Variants in PLAC8 observed in about 807,000 individuals in gnomAD.
PLAC8 encodes the protein placenta-specific gene 8 protein.
A neutral mutation model predicts 12.6 loss-of-function variants in PLAC8; 6 were observed. That is an observed-to-expected ratio of 0.48 (90% CI 0.26 to 0.94). PLAC8 has a LOEUF of 0.94. PLAC8 is among the 40% of genes least tolerant of loss of function. PLAC8 has a pLI of 0.14. For synonymous variants in PLAC8, 54 were observed against 52.6 expected (o/e 1.03, Z -0.11); for missense variants, 122 against 152.7 (o/e 0.80, Z 1.06).
intron 3 of PLAC8, among the ~76,000 whole-genome samples, chr4:83,101,058 C>T (rs1040605159): frequency 2.0e-5 from 3 of 152,152 alleles, no homozygotes; most frequent in African/African-American, 4.8e-5. Context: ...CAGTGCTCTT[C>T]GGGTTCTATG....
chr4:83,105,401 C>T (rs1180967190), intron 2 of PLAC8, among the ~76,000 whole-genome samples: 1 of 152,186 alleles, frequency 6.6e-6, no homozygotes, highest in Non-Finnish European at 1.5e-5. Context: ...GAAATACCAA[C>T]AGGTCACCCA....
chr4:83,107,753 T>C (rs746322793), intron 2 of PLAC8, 51 bp downstream of exon 2: 1 of 1,089,678 alleles, frequency 9.2e-7, no homozygotes, highest in Non-Finnish European at 1.3e-6. Flanking sequence ...ATTGAGTCAT[T>C]GGTAATTCAC....
chr4:83,104,727 G>A (rs1004040434), intron 3 of PLAC8, among the ~76,000 whole-genome samples, 169 bp downstream of exon 3: 7 of 152,174 alleles, frequency 4.6e-5, no homozygotes, highest in Admixed American at 1.3e-4. Flanking sequence ...CTAGAAGGAG[G>A]CCACATAACC....
In PLAC8 at chr4:83,097,587, C is replaced by T. The variant is rs147758400; in HGVS notation, c.244-2796G>A. ...CTGGGGACATATGGAGAGCCATGCC[C>T]GCTAGCTATGCTAAAAAGAGTCTGA... On this transcript the variant is annotated intron_variant, in intron 3 of 4. Coordinates refer to ENST00000311507, the MANE Select transcript of PLAC8 (RefSeq NM_016619.3). Among the ~76,000 whole-genome samples the T allele has an allele frequency of 3.2e-3, 488 of 152,192 alleles. 2 individuals carry two copies. Among genetic ancestry groups the T allele is most frequent in the African/African-American group, 0.011 (457 of 41,530 alleles).
intron 1 of PLAC8, among the ~76,000 whole-genome samples, chr4:83,110,206 A>G (rs1260689447): frequency 6.6e-6 from 1 of 152,186 alleles, no homozygotes; most frequent in Non-Finnish European, 1.5e-5. Flanking sequence ...GGGCTGAGCA[A>G]CGCTGGGATT....
At chr4:83,103,327 G>A (rs1440996640) in intron 3 of PLAC8, among the ~76,000 whole-genome samples, 3 of 151,176 alleles carry the variant, frequency 2.0e-5, no homozygotes, top group Non-Finnish European at 4.4e-5. Context: ...CCTGGGAGGC[G>A]GAGGTTGCAG....
At chr4:83,103,889 A>G (rs557578502) in intron 3 of PLAC8, among the ~76,000 whole-genome samples, 22 of 152,182 alleles carry the variant, frequency 1.4e-4, no homozygotes, top group African/African-American at 5.3e-4. Context: ...GCTGGTCTTT[A>G]ACTCCTGACC....
intron 3 of PLAC8, among the ~76,000 whole-genome samples, chr4:83,097,673 T>G (rs1731975214): frequency 6.6e-6 from 1 of 152,174 alleles, no homozygotes; most frequent in Non-Finnish European, 1.5e-5. Context: ...TTAAAATATC[T>G]TACTTATCAG....
intron 3 of PLAC8, among the ~76,000 whole-genome samples, chr4:83,096,794 T>A (rs923650683): frequency 2.0e-5 from 3 of 152,240 alleles, no homozygotes; most frequent in Admixed American, 2.0e-4. Flanking sequence ...AATTTCTATG[T>A]CTTGTTTTGT....
chr4:83,112,186 ATTTATATATATATAT>A (rs1363165823), intron 1 of PLAC8, among the ~76,000 whole-genome samples: 4 of 106,636 alleles, frequency 3.8e-5, no homozygotes, highest in African/African-American at 1.5e-4. Flanking sequence ...AAAAAAAAAA[ATTTATATATATATAT>A]ATGTATATAT....
chr4:83,094,882 ATCTTT>A, intron 3 of PLAC8, 91 bp from the exon 4 acceptor site: 1 of 627,674 alleles, frequency 1.6e-6, no homozygotes, highest in Non-Finnish European at 2.7e-6. Flanking sequence ...GAAGGCACTG[ATCTTT>A]CAGATTCAGA....
At chr4:83,109,446 G>A (rs777601076) in intron 1 of PLAC8, among the ~76,000 whole-genome samples, 1 of 152,322 alleles carries the variant, frequency 6.6e-6, no homozygotes, top group Admixed American at 6.5e-5. Context: ...GCAAAAGAAG[G>A]TTCCAGTAAG....
At chr4:83,110,457 G>C (rs959964745) in intron 1 of PLAC8, among the ~76,000 whole-genome samples, 2 of 152,190 alleles carry the variant, frequency 1.3e-5, no homozygotes, top group Non-Finnish European at 2.9e-5. Flanking sequence ...GGAAAAGTAA[G>C]TCCCAAATCC....
In PLAC8 at chr4:83,106,263, T is replaced by G. The variant is rs550740376; in HGVS notation, c.119-1243A>C. The stretch of plus-strand genomic sequence containing the variant: ...ATCTGCCCGCCTTGGCCTCCCAAAG[T>G]GCTGGGATTACAGGTGTGAGCCACC... On this transcript the variant is annotated intron_variant, in intron 2 of 4. Transcript: ENST00000311507. Among the ~76,000 whole-genome samples, 5 of 152,012 alleles carry G rather than the reference T, an allele frequency of 3.3e-5. No individual in the cohort carries two copies. The South Asian group carries it at 1.0e-3, about 32-fold the overall frequency.
Position 83,112,188 on chromosome 4 carries a change from T to TTATA in PLAC8, c.-30+2474_-30+2477dup, listed in dbSNP as rs1391536491. 7.2e-4 allele frequency among the ~76,000 whole-genome samples: 69 copies of TTATA among 96,478 alleles called. 1 individual carries two copies. The highest frequency in any genetic ancestry group is 2.9e-3 in the African/African-American group (58 of 20,316). 63.3% of individuals were successfully genotyped at this position (96,478 alleles called of 152,430 possible). On this transcript the variant is annotated intron_variant, in intron 1 of 4. Transcript: ENST00000311507. Reference sequence around the variant, plus strand: ...GACTCCGTCTCAAAAAAAAAAAAATTTATATATATATATATGTATATATAT... The same window carrying TTATA: ...GACTCCGTCTCAAAAAAAAAAAAATTTATATATATATATATATATGTATATATAT...
intron 2 of PLAC8, among the ~76,000 whole-genome samples, 185 bp downstream of exon 2, chr4:83,107,619 G>GTTTTTTTTT (rs1732283820): frequency 1.7e-4 from 2 of 11,826 alleles, no homozygotes; most frequent in South Asian, 4.8e-3. Flanking sequence ...CCATACGGAG[G>GTTTTTTTTT]CTTTTTTTTT....
intron 1 of PLAC8, chr4:83,109,634 G>A (rs1308888490): frequency 6.6e-6 from 1 of 152,082 alleles, no homozygotes; most frequent in Non-Finnish European, 1.5e-5. Flanking sequence ...GAGGATCGAG[G>A]AGGCGGAGAG....
At chr4:83,109,393 G>C (rs1358779915) in intron 1 of PLAC8, among the ~76,000 whole-genome samples, 1 of 152,162 alleles carries the variant, frequency 6.6e-6, no homozygotes, top group East Asian at 1.9e-4. Flanking sequence ...CTAAAAGAAG[G>C]AGGCGGACCC....
chr4:83,096,830 C>T (rs1289005903), intron 3 of PLAC8, among the ~76,000 whole-genome samples: 2 of 152,228 alleles, frequency 1.3e-5, no homozygotes, highest in Non-Finnish European at 1.5e-5. Flanking sequence ...ATCTTGTGAC[C>T]ATATGGGGAT....
Sources: gnomAD v4.1 joint callset for allele counts (sites outside exome capture counted in the v4.1 genomes callset) on GRCh38, gnomAD v4.1.1 for gene constraint, MANE v1.5 for transcripts, NCBI Gene and HGNC (gene_info 2026-07-23, HGNC 2026-07-21) for gene names.